Variants in GRIK1 observed in about 807,000 individuals in gnomAD.
The protein encoded by GRIK1 is glutamate receptor ionotropic, kainate 1.
A neutral mutation model predicts 105.7 loss-of-function variants in GRIK1; 69 were observed. The ratio of observed to expected loss-of-function variants is 0.65; its 90% CI spans 0.54 to 0.80. GRIK1 has a LOEUF of 0.80. GRIK1 is among the 30% of genes least tolerant of loss of function. GRIK1 has a pLI of 0.00. For synonymous variants in GRIK1, 438 were observed against 431.3 expected, an observed-to-expected ratio of 1.02 and a Z score of -0.19; for missense variants, 1,109 against 1,167.3, an observed-to-expected ratio of 0.95 and a Z score of 0.73.
At chr21:29,625,800 A>G (rs1339232938) in intron 7 of GRIK1, among the ~76,000 whole-genome samples, 1 of 152,118 alleles carries the variant, frequency 6.6e-6, no homozygotes, top group African/African-American at 2.4e-5. Flanking sequence ...CTTGCTCAAT[A>G]TTGATTGCAA....
At chr21:29,910,457 A>C (rs368275565) in intron 1 of GRIK1, among the ~76,000 whole-genome samples, 10 of 152,246 alleles carry the variant, frequency 6.6e-5, no homozygotes, top group African/African-American at 2.4e-4. Flanking sequence ...GCAATGTACA[A>C]GTGTTTCACT....
chr21:29,735,555 G>A (rs569133210), intron 1 of GRIK1, among the ~76,000 whole-genome samples: 12 of 152,202 alleles, frequency 7.9e-5, no homozygotes, highest in African/African-American at 2.2e-4. Flanking sequence ...ATATGACTAA[G>A]TAACCATATC....
intron 1 of GRIK1, among the ~76,000 whole-genome samples, chr21:29,768,524 C>G (rs16984929): frequency 1.3e-5 from 2 of 152,262 alleles, no homozygotes; most frequent in Admixed American, 1.3e-4. Flanking sequence ...TGTCTCAGAA[C>G]TGTCCACCCA....
intron 1 of GRIK1, among the ~76,000 whole-genome samples, chr21:29,720,938 A>C (rs1227045334): frequency 6.6e-6 from 1 of 152,082 alleles, no homozygotes; most frequent in Non-Finnish European, 1.5e-5. Context: ...GAATCTCATT[A>C]ACCAGGTAAG....
rs568413902 is a variant in GRIK1 at position 29,699,182 on chromosome 21, C to T, written c.119-5119G>A. Among the ~76,000 whole-genome samples, 16 of 152,250 alleles carry T rather than the reference C, an allele frequency of 1.1e-4. No individual in the cohort carries two copies. The East Asian group carries it at 1.5e-3, about 15-fold the overall frequency. On this transcript the variant is annotated intron_variant, in intron 1 of 17. Coordinates refer to ENST00000327783, the MANE Select transcript of GRIK1 (RefSeq NM_001330994.2). The stretch of plus-strand genomic sequence containing the variant: ...CTGGAGTAGCTTTGAAACTCAGAAG[C>T]GACTTGCTTTCTTGGTAAGTCACTG...
At position 29,839,059 on chromosome 21, in the gene GRIK1, C is replaced by CTTTTCTTTTCT. The variant is rs3835376; in HGVS notation, c.118+100323_118+100324insAGAAAAGAAAA. Among the ~76,000 whole-genome samples the CTTTTCTTTTCT allele has an allele frequency of 3.0e-3, 462 of 151,668 alleles. 3 individuals are homozygous for CTTTTCTTTTCT. The highest frequency in any genetic ancestry group is 0.011 in the African/African-American group (442 of 41,360). On this transcript the variant is annotated intron_variant, in intron 1 of 17. Transcript: ENST00000327783. ...ATAGGGATTTCTTTTCTTTTCTTTTCTTTTTTTTGAGGCAGAGTCTCACTC... is the reference window on the plus strand; with the variant it reads ...ATAGGGATTTCTTTTCTTTTCTTTTCTTTTCTTTTCTTTTTTTTTGAGGCAGAGTCTCACTC...
intron 1 of GRIK1, among the ~76,000 whole-genome samples, chr21:29,899,541 CTT>C (rs59280454): frequency 0.23 from 33,537 of 146,192 alleles, 4,205 homozygotes; most frequent in African/African-American, 0.35. Context: ...GCTGCTTTAC[CTT>C]TTTTTTTTTT....
intron 4 of GRIK1, among the ~76,000 whole-genome samples, chr21:29,655,132 G>A (rs1336668585): frequency 6.6e-6 from 1 of 152,232 alleles, no homozygotes; most frequent in African/African-American, 2.4e-5. Context: ...GTTTGGGCCA[G>A]GTGCAGTGGC....
chr21:29,716,362 G>A (rs2064177233), intron 1 of GRIK1, among the ~76,000 whole-genome samples: 1 of 152,212 alleles, frequency 6.6e-6, no homozygotes, highest in African/African-American at 2.4e-5. Flanking sequence ...GAATGGAACA[G>A]TGTGGAGGGC....
In GRIK1 at chr21:29,572,928, G is replaced by A. The variant is rs559834150; in HGVS notation, c.2130+4036C>T. Among the ~76,000 whole-genome samples the A allele has an allele frequency of 2.6e-5, 4 of 152,058 alleles. No homozygotes were observed. The South Asian group carries it at 6.2e-4, about 24-fold the overall frequency. On this transcript the variant is annotated intron_variant, in intron 14 of 17. Transcript: ENST00000327783. ...TGGGATTACAGGCATGTGCCACCAC[G>A]CCGGGCTAATATTTTTGTATTTTTA...
At chr21:29,901,456 AG>A (rs1457910097) in intron 1 of GRIK1, among the ~76,000 whole-genome samples, 2 of 152,128 alleles carry the variant, frequency 1.3e-5, no homozygotes, top group African/African-American at 4.8e-5. Flanking sequence ...AAAATGATAA[AG>A]GGGATATCAC....
chr21:29,620,798 TATATATAG>T (rs2061975809), intron 7 of GRIK1, among the ~76,000 whole-genome samples: 1 of 107,592 alleles, frequency 9.3e-6, no homozygotes, highest in African/African-American at 4.9e-5. Context: ...TATATCTATA[TATATATAG>T]ATATATATAT....
intron 13 of GRIK1, among the ~76,000 whole-genome samples, chr21:29,579,448 CTT>C (rs1364409788): frequency 2.0e-5 from 3 of 152,294 alleles, no homozygotes; most frequent in African/African-American, 7.2e-5. Flanking sequence ...GCTGAAGTCT[CTT>C]TAGTGCCTTT....
At position 29,745,979 on chromosome 21, in the gene GRIK1, C is replaced by T. The variant is rs180732496; in HGVS notation, c.119-51916G>A. On this transcript the variant is annotated intron_variant, in intron 1 of 17. Transcript: ENST00000327783. ...ATTAGCCAGGTGTGGTGGCGGGCGC[C>T]TGTAGTCCCAGCTACTCGGGAGGCT... is the stretch of plus-strand genomic sequence containing the variant. Among the ~76,000 whole-genome samples the T allele has an allele frequency of 3.7e-3, 559 of 152,228 alleles. 1 individual carries two copies. The highest frequency in any genetic ancestry group is 0.013 in the African/African-American group (535 of 41,530).
rs376521784 is a variant in GRIK1, at chr21:29,840,498, C to A, written c.118+98885G>T. ...AGGGGAGGATGAGGCACAACTGTAG[C>A]TATTTATCCCACTGGAATCCCTGAA... On this transcript the variant is annotated intron_variant, in intron 1 of 17. Coordinates refer to ENST00000327783, the MANE Select transcript of GRIK1 (RefSeq NM_001330994.2). Among the ~76,000 whole-genome samples the A allele has an allele frequency of 5.3e-5, 8 of 152,210 alleles. No individual in the cohort carries two copies. In the East Asian group the frequency reaches 1.5e-3, roughly 29 times the overall value.
chr21:29,591,679 G>A (rs1443649994), intron 9 of GRIK1, among the ~76,000 whole-genome samples: 1 of 152,158 alleles, frequency 6.6e-6, no homozygotes, highest in African/African-American at 2.4e-5. Flanking sequence ...TGCCAAAGTA[G>A]TATCACTAGT....
intron 1 of GRIK1, among the ~76,000 whole-genome samples, chr21:29,760,623 G>A (rs1019589739): frequency 2.6e-5 from 4 of 152,284 alleles, no homozygotes; most frequent in African/African-American, 4.8e-5. Context: ...AAGATGCCTC[G>A]GAGATTTTAA....
At position 29,939,564 on chromosome 21, in the gene GRIK1, A is replaced by G. The variant is rs2071905767; in HGVS notation, c.-64T>C. 2.0e-6 allele frequency: 2 copies of G among 1,018,476 alleles called. No individual in the cohort carries two copies. Among genetic ancestry groups the G allele is most frequent in the Non-Finnish European group, 2.9e-6 (2 of 696,448 alleles). 63.1% of individuals were successfully genotyped at this position (1,018,476 alleles called of 1,614,324 possible). The stretch of plus-strand genomic sequence containing the variant: ...GCCGGACGCCCGAGAGATGCACCCA[A>G]CTTGGGCCGGGTCCCCGCCTCATCC... On this transcript the variant is annotated 5_prime_UTR_variant, in exon 1 of 18. Transcript: ENST00000327783.
rs71335097 is a variant in GRIK1, at chr21:29,827,975, A to ATCTCTCTCTCTC, written c.118+111396_118+111407dup. On this transcript the variant is annotated intron_variant, in intron 1 of 17. Transcript: ENST00000327783. ...CATGTCTTTCTATAATATAGTTAGGATCTCTCTCTCTCTCTCTCTCTCTCT... is the reference window on the plus strand; with the variant it reads ...CATGTCTTTCTATAATATAGTTAGGATCTCTCTCTCTCTCTCTCTCTCTCTCTCTCTCTCTCT... Among the ~76,000 whole-genome samples, 387 of 113,572 alleles carry ATCTCTCTCTCTC rather than the reference A, an allele frequency of 3.4e-3. 2 individuals carry two copies. Among genetic ancestry groups the ATCTCTCTCTCTC allele is most frequent in the African/African-American group, 0.011 (365 of 32,762 alleles). The allele number at this position is 113,572 out of a possible 152,430, so 74.5% of individuals were successfully genotyped here.
Sources: gnomAD v4.1 joint callset for allele counts (sites outside exome capture counted in the v4.1 genomes callset) on GRCh38, gnomAD v4.1.1 for gene constraint, MANE v1.5 for transcripts, NCBI Gene and HGNC (gene_info 2026-07-23, HGNC 2026-07-21) for gene names.